Variants in NCALD observed in about 807,000 individuals in gnomAD.
NCALD encodes the protein neurocalcin-delta.
NCALD carries 10 observed loss-of-function variants against 18.6 expected under a neutral mutation model. That is an observed-to-expected ratio of 0.54 (90% CI 0.33 to 0.91). The LOEUF is 0.91. Among genes scored for constraint, NCALD ranks in the 40% least tolerant of loss-of-function variants. The probability of loss-of-function intolerance (pLI) is 0.03; values close to 1 mark genes in which losing one functional copy is unlikely to be tolerated. For synonymous variants in NCALD, 88 were observed against 87.4 expected (o/e 1.01, Z -0.04); for missense variants, 184 against 247.6 (o/e 0.74, Z 1.72).
chr8:101,964,709 C>G (rs901616642), intron 2 of NCALD, among the ~76,000 whole-genome samples: 1 of 152,208 alleles, frequency 6.6e-6, no homozygotes, highest in African/African-American at 2.4e-5. Flanking sequence ...GTCTAAACAT[C>G]TGTCTAAATG....
intron 1 of NCALD, among the ~76,000 whole-genome samples, chr8:102,031,440 T>G (rs561861748): frequency 1.3e-5 from 2 of 152,282 alleles, no homozygotes; most frequent in Non-Finnish European, 2.9e-5. Context: ...ATGATGGAGA[T>G]AGGTCACACA....
At chr8:101,934,395 T>C (rs1214247372) in intron 2 of NCALD, among the ~76,000 whole-genome samples, 1 of 152,004 alleles carries the variant, frequency 6.6e-6, no homozygotes, top group Non-Finnish European at 1.5e-5. Context: ...GAGGGGCTAG[T>C]GAGTGGATAA....
chr8:101,871,590 T>C (rs1308167355), intron 4 of NCALD, among the ~76,000 whole-genome samples: 1 of 151,886 alleles, frequency 6.6e-6, no homozygotes, highest in Non-Finnish European at 1.5e-5. Context: ...TTTCTTTTTT[T>C]TTTTTTTGCC....
chr8:101,730,155 A>G (rs1816753337), intron 1 of NCALD, among the ~76,000 whole-genome samples: 1 of 152,146 alleles, frequency 6.6e-6, no homozygotes, highest in Non-Finnish European at 1.5e-5. Context: ...AAACAGGATC[A>G]TTCTATATTA....
At chr8:101,898,501 A>T (rs1416930242) in intron 3 of NCALD, among the ~76,000 whole-genome samples, 1 of 152,294 alleles carries the variant, frequency 6.6e-6, no homozygotes, top group East Asian at 1.9e-4. Flanking sequence ...TAGAACAAAC[A>T]TTTTAAATTT....
chr8:101,869,341 T>C (rs1037626441), intron 4 of NCALD, among the ~76,000 whole-genome samples: 3 of 151,366 alleles, frequency 2.0e-5, no homozygotes, highest in Admixed American at 1.3e-4. Flanking sequence ...GAGGTTGGAG[T>C]GATGAGATAA....
At chr8:101,975,565 C>A (rs1820392033) in intron 2 of NCALD, among the ~76,000 whole-genome samples, 1 of 152,192 alleles carries the variant, frequency 6.6e-6, no homozygotes, top group African/African-American at 2.4e-5. Flanking sequence ...CTGTGTCCAA[C>A]ACACCAAGGT....
intron 1 of NCALD, among the ~76,000 whole-genome samples, chr8:101,729,976 C>A (rs79113059): frequency 6.6e-6 from 1 of 152,072 alleles, no homozygotes; most frequent in African/African-American, 2.4e-5. Context: ...CAAAGTATTA[C>A]ATCATTATTG....
Position 102,083,724 on chromosome 8 carries a change from ATTGT to A in NCALD, c.-210+40509_-210+40512del, listed in dbSNP as rs554444536. Among the ~76,000 whole-genome samples the A allele has an allele frequency of 2.2e-3, 329 of 152,126 alleles. 1 individual carries two copies. Among genetic ancestry groups the A allele is most frequent in the African/African-American group, 6.8e-3 (282 of 41,500 alleles). Reference sequence around the variant, plus strand: ...TTTTTACATTAACTCTTTCATTGCTATTGTTTGTTTCCTTTTTCCATTTAGACAA... The same window carrying A: ...TTTTTACATTAACTCTTTCATTGCTATTGTTTCCTTTTTCCATTTAGACAA... On this transcript the variant is annotated intron_variant, in intron 1 of 6. Transcript: ENST00000311028.
At chr8:101,977,634 C>G (rs1014712191) in intron 2 of NCALD, among the ~76,000 whole-genome samples, 3 of 152,212 alleles carry the variant, frequency 2.0e-5, no homozygotes, top group African/African-American at 7.2e-5. Flanking sequence ...TGTGAACACT[C>G]AAGGACAACT....
At chr8:101,713,545 A>T (rs1419566979) in intron 2 of NCALD, among the ~76,000 whole-genome samples, 3 of 152,166 alleles carry the variant, frequency 2.0e-5, no homozygotes, top group Non-Finnish European at 2.9e-5. Flanking sequence ...CAGATTAATA[A>T]AGAAGAAAAG....
intron 1 of NCALD, among the ~76,000 whole-genome samples, chr8:102,090,708 T>G (rs564792700): frequency 6.6e-6 from 1 of 152,354 alleles, no homozygotes; most frequent in African/African-American, 2.4e-5. Flanking sequence ...TGAACAAAAT[T>G]TGGATCATAT....
chr8:101,855,405 G>A (rs73696521), intron 4 of NCALD, among the ~76,000 whole-genome samples: 2,040 of 152,230 alleles, frequency 0.013, 56 homozygotes, highest in African/African-American at 0.044. Context: ...AGCCTAGAAT[G>A]TTGAGTGCAC....
intron 1 of NCALD, among the ~76,000 whole-genome samples, chr8:102,073,071 T>C (rs1824229916): frequency 6.6e-6 from 1 of 152,206 alleles, no homozygotes; most frequent in Non-Finnish European, 1.5e-5. Flanking sequence ...ATTTATAATA[T>C]AAAAGATATT....
Position 101,728,602 on chromosome 8 carries a change from C to T in NCALD, c.-19-8954G>A, listed in dbSNP as rs564900585. Among the ~76,000 whole-genome samples the T allele has an allele frequency of 9.5e-4, 144 of 152,212 alleles. 1 individual carries two copies. Among genetic ancestry groups the T allele is most frequent in the Non-Finnish European group, 1.7e-3 (116 of 68,012 alleles). On this transcript the variant is annotated intron_variant, in intron 1 of 3. Coordinates refer to ENST00000220931, the MANE Select transcript of NCALD (RefSeq NM_032041.3). ...TTGGGAGGCCGAGGTGGGCAGATCA[C>T]GAGGTCAGAAGATCGAGACCATCCT... is the stretch of plus-strand genomic sequence containing the variant.
rs145488334 is a variant in NCALD, at chr8:102,005,282, A to G, written c.-157+14955T>C. Among the ~76,000 whole-genome samples, 1,050 of 152,376 alleles carry G rather than the reference A, an allele frequency of 6.9e-3. 11 individuals carry two copies. The highest frequency in any genetic ancestry group is 0.024 in the African/African-American group (1,012 of 41,586). ...CCAAAAGACACATGAAAAAATGCTC[A>G]TCATTACTGGCCATCAGAGAAATGC... On this transcript the variant is annotated intron_variant, in intron 2 of 6. Transcript: ENST00000311028.
At chr8:102,032,063 G>A (rs1470147437) in intron 1 of NCALD, among the ~76,000 whole-genome samples, 1 of 152,112 alleles carries the variant, frequency 6.6e-6, no homozygotes, top group Non-Finnish European at 1.5e-5. Flanking sequence ...CAGAACTCCT[G>A]CCCTAGGACA....
intron 4 of NCALD, among the ~76,000 whole-genome samples, chr8:101,811,519 T>G (rs1813304000): frequency 6.6e-6 from 1 of 152,222 alleles, no homozygotes; most frequent in Non-Finnish European, 1.5e-5. Flanking sequence ...GCCACCAAGT[T>G]TGTGATAATT....
At chr8:102,018,174 G>A (rs1822153353) in intron 2 of NCALD, among the ~76,000 whole-genome samples, 1 of 152,108 alleles carries the variant, frequency 6.6e-6, no homozygotes. Flanking sequence ...CAGTTTGGGG[G>A]ATTTTTAAAA....
Sources: allele counts gnomAD v4.1 joint callset (sites outside exome capture counted in the v4.1 genomes callset), GRCh38; gene constraint gnomAD v4.1.1; transcripts MANE v1.5; gene names NCBI Gene and HGNC (gene_info 2026-07-23, HGNC 2026-07-21).